ARHGEF10L: variants seen among roughly 807,000 people sequenced by gnomAD.
ARHGEF10L encodes the protein rho guanine nucleotide exchange factor 10-like protein.
Under a neutral mutation model 141.2 loss-of-function variants are expected in ARHGEF10L, and 69 were observed. The ratio of observed to expected loss-of-function variants is 0.49; its 90% CI spans 0.40 to 0.60. The LOEUF (loss-of-function observed/expected upper bound fraction) is 0.60. Ranked by LOEUF, ARHGEF10L falls within the 20% of genes least tolerant of loss-of-function variation. ARHGEF10L has a pLI of 0.00. For synonymous variants in ARHGEF10L, 711 were observed against 718.5 expected (o/e 0.99, Z 0.17); for missense variants, 1,482 against 1,734.3 (o/e 0.85, Z 2.58).
At chr1:17,677,090 A>G (rs1372478661) in intron 26 of ARHGEF10L, among the ~76,000 whole-genome samples, 2 of 152,090 alleles carry the variant, frequency 1.3e-5, no homozygotes, top group Non-Finnish European at 2.9e-5. Flanking sequence ...TAGCAGGACC[A>G]AGGAAAGGAG....
Position 17,654,689 on chromosome 1 carries a change from A to T in ARHGEF10L, c.2448A>T (p.Ala816=), listed in dbSNP as rs35255680. The T allele has an allele frequency of 3.7e-6, 6 of 1,613,908 alleles. No individual in the cohort carries two copies. Among genetic ancestry groups the T allele is most frequent in the East Asian group, 2.2e-5 (1 of 44,874 alleles). Residue 816 remains alanine (A), a synonymous_variant, in exon 23 of 29, where the codon GCA becomes GCT. Coordinates refer to ENST00000361221, the MANE Select transcript of ARHGEF10L (RefSeq NM_018125.4). This position sits in a 1 kb window ranked among gnomAD's most constrained non-coding sequence, Gnocchi z 4.3. ...ACTGTCCCCTGCTGGGTTTCTCAGC[A>T]GTCAGCACCTCCCTTCCACAGGGCT... The part of the protein sequence containing the change: ...PVNCPLLGFS[A]VSTSLPQGYL...
intron 1 of ARHGEF10L, among the ~76,000 whole-genome samples, chr1:17,565,099 C>T (rs2256640): frequency 0.053 from 8,058 of 152,280 alleles, 258 homozygotes; most frequent in Non-Finnish European, 0.064. Context: ...ACAGCAGATT[C>T]GGTGTCTGGT....
chr1:17,589,561 AGAG>A (rs1435991623), intron 4 of ARHGEF10L, among the ~76,000 whole-genome samples: 1 of 152,250 alleles, frequency 6.6e-6, no homozygotes, highest in African/African-American at 2.4e-5. Context: ...CCAGGCCCCC[AGAG>A]GAGAAGTCCT....
chr1:17,613,846 C>T (rs2059666890), intron 8 of ARHGEF10L, among the ~76,000 whole-genome samples: 1 of 152,210 alleles, frequency 6.6e-6, no homozygotes, highest in Non-Finnish European at 1.5e-5. Flanking sequence ...TGATCCTGAG[C>T]AGGCCCCTTG....
intron 1 of ARHGEF10L, among the ~76,000 whole-genome samples, chr1:17,563,638 G>GATGA (rs2077633111): frequency 6.6e-6 from 1 of 152,164 alleles, no homozygotes. Context: ...TGAATGGTTG[G>GATGA]ATGAATGAAT....
At chr1:17,548,975 C>T (rs2077015426) in intron 1 of ARHGEF10L, among the ~76,000 whole-genome samples, 1 of 151,208 alleles carries the variant, frequency 6.6e-6, no homozygotes, top group South Asian at 2.1e-4. Flanking sequence ...TGATCCTTTT[C>T]AGTTACAACA....
the ARHGEF10L span, among the ~76,000 whole-genome samples, chr1:17,521,622 GTGT>G: frequency 3.3e-5 from 5 of 152,238 alleles, no homozygotes; most frequent in South Asian, 2.1e-4. Flanking sequence ...CCCCAATGAG[GTGT>G]TGTTGTTATC....
chr1:17,592,529 G>A (rs1468069741), intron 4 of ARHGEF10L, among the ~76,000 whole-genome samples: 5 of 152,138 alleles, frequency 3.3e-5, no homozygotes, highest in Non-Finnish European at 5.9e-5. Flanking sequence ...ATCAGGGGCT[G>A]AGAGGATCAG....
chr1:17,562,441 G>T (rs969134294), intron 1 of ARHGEF10L, among the ~76,000 whole-genome samples: 2 of 152,182 alleles, frequency 1.3e-5, no homozygotes, highest in Non-Finnish European at 2.9e-5. Context: ...AAAGAGTGGG[G>T]AGTCAAGTGG....
chr1:17,632,328 C>T lies in ARHGEF10L; in HGVS notation c.1592C>T (p.Thr531Ile). The part of the protein sequence containing the change: ...SDRSSLNKLL[T>I]SGQRQLLLCE... ...TCCCTGCCCCTCCTCCAGCTGTTGA[C>T]CTCAGGCCAGCGGCAGCTGCTCCTG... Residue 531 changes from threonine to isoleucine, a missense_variant, in exon 16 of 29, where the codon ACC becomes ATC. Physicochemically the swap from Thr to Ile is moderately conservative, Grantham distance 89. This residue lies in a region of ARHGEF10L where 392 missense variants were observed against 542.1 expected (regional missense o/e 0.72). Transcript: ENST00000361221. The T allele has an allele frequency of 6.2e-7, 1 of 1,614,054 alleles. No individual in the cohort carries two copies. The highest frequency in any genetic ancestry group is 8.5e-7 in the Non-Finnish European group (1 of 1,180,034).
chr1:17,697,677 C>A lies in ARHGEF10L; in HGVS notation c.*297C>A, dbSNP rs1184657995. 4 of 565,674 alleles carry A rather than the reference C, an allele frequency of 7.1e-6. No homozygotes were observed. Among genetic ancestry groups the A allele is most frequent in the Non-Finnish European group, 1.3e-5 (4 of 298,178 alleles). The allele number at this position is 565,674 out of a possible 1,614,324, so 35.0% of individuals were successfully genotyped here. A position where few individuals can be genotyped will look rare whatever the true frequency, so the allele number is the denominator to read the frequency against. On this transcript the variant is annotated 3_prime_UTR_variant, in exon 29 of 29. Transcript: ENST00000361221. The surrounding 1 kb of genome is among the most constrained non-coding windows in gnomAD (Gnocchi z 4.8). ...AAGCCCAGTATCACTTGTTTGGGCC[C>A]TAGCGGGACTCCAAGGCAGCCACAC... is the stretch of plus-strand genomic sequence containing the variant.
Position 17,636,858 on chromosome 1 carries a change from G to A in ARHGEF10L, c.1928-1030G>A, listed in dbSNP as rs532698593. On this transcript the variant is annotated intron_variant, in intron 18 of 28. Transcript: ENST00000361221. ...ATAAGACCTCAGTGTGCAAAACCAC[G>A]GCCTAGAGAATACAGTCCAAATTCC... is the stretch of plus-strand genomic sequence containing the variant. 3.3e-5 allele frequency among the ~76,000 whole-genome samples: 5 copies of A among 152,092 alleles called. No individual in the cohort carries two copies. The East Asian group carries it at 5.8e-4, about 18-fold the overall frequency.
At chr1:17,650,013 T>G (rs1291860098) in intron 22 of ARHGEF10L, among the ~76,000 whole-genome samples, 1 of 152,194 alleles carries the variant, frequency 6.6e-6, no homozygotes, top group Non-Finnish European at 1.5e-5. Context: ...GTAAAAAGCC[T>G]TGGAAACAGA....
chr1:17,603,471 C>A lies in ARHGEF10L; in HGVS notation c.350-37C>A. On this transcript the variant is annotated intron_variant, in intron 5 of 28. Coordinates refer to ENST00000361221, the MANE Select transcript of ARHGEF10L (RefSeq NM_018125.4). The surrounding 1 kb of genome is among the most constrained non-coding windows in gnomAD (Gnocchi z 4.8). The stretch of plus-strand genomic sequence containing the variant: ...AGCACCTCTGGCCAGGCTGCCACAG[C>A]CCACGGTGGTGCTCTCTCTCCCCAC... The A allele has an allele frequency of 6.3e-7, 1 of 1,586,784 alleles. No individual in the cohort carries two copies. The highest frequency in any genetic ancestry group is 8.6e-7 in the Non-Finnish European group (1 of 1,159,596).
chr1:17,615,976 A>G lies in ARHGEF10L; in HGVS notation c.727-118A>G, dbSNP rs888674917. The G allele has an allele frequency of 1.5e-5, 12 of 776,498 alleles. No individual in the cohort carries two copies. The highest frequency in any genetic ancestry group is 2.4e-5 in the Non-Finnish European group (11 of 452,026). The allele number at this position is 776,498 out of a possible 1,614,324, so 48.1% of individuals were successfully genotyped here. A position where few individuals can be genotyped will look rare whatever the true frequency, so the allele number is the denominator to read the frequency against. ...CTTGGCCTTTGCTCACGGACCTGGG[A>G]GGGAAGGGTCTGGGTGGTTCTGATC... On this transcript the variant is annotated intron_variant, in intron 8 of 28. Coordinates refer to ENST00000361221, the MANE Select transcript of ARHGEF10L (RefSeq NM_018125.4). This position sits in a 1 kb window ranked among gnomAD's most constrained non-coding sequence, Gnocchi z 4.7.
chr1:17,594,291 A>C (rs895408280), intron 4 of ARHGEF10L, among the ~76,000 whole-genome samples: 1 of 151,970 alleles, frequency 6.6e-6, no homozygotes, highest in African/African-American at 2.4e-5. Flanking sequence ...AGAGGACATG[A>C]CATCAGCCCA....
chr1:17,670,587 G>A (rs2102266751), intron 26 of ARHGEF10L, among the ~76,000 whole-genome samples: 1 of 152,368 alleles, frequency 6.6e-6, no homozygotes, highest in South Asian at 2.1e-4. Context: ...CGGCTGCATG[G>A]AGGGCCAGTG....
In ARHGEF10L at chr1:17,558,335, G is replaced by A. The variant is rs183907788; in HGVS notation, c.-44+18385G>A. On this transcript the variant is annotated intron_variant, in intron 1 of 28. Coordinates refer to ENST00000361221, the MANE Select transcript of ARHGEF10L (RefSeq NM_018125.4). This position sits in a 1 kb window ranked among gnomAD's most constrained non-coding sequence, Gnocchi z 4.2. ...CACCCATCATCTCTTGAATCTCTTCGGCATGCTAAGGACTGCCCTGGGTAT... is the reference window on the plus strand; with the variant it reads ...CACCCATCATCTCTTGAATCTCTTCAGCATGCTAAGGACTGCCCTGGGTAT... Among the ~76,000 whole-genome samples the A allele has an allele frequency of 2.0e-5, 3 of 152,114 alleles. No homozygotes were observed. Among genetic ancestry groups the A allele is most frequent in the Admixed American group, 1.3e-4 (2 of 15,280 alleles).
chr1:17,676,613 T>A (rs1266854008), intron 26 of ARHGEF10L, among the ~76,000 whole-genome samples: 2 of 151,998 alleles, frequency 1.3e-5, no homozygotes, highest in Non-Finnish European at 2.9e-5. Context: ...ATGCTGAGGC[T>A]TGACTGCTAT....
Sources: allele counts gnomAD v4.1 joint callset (sites outside exome capture counted in the v4.1 genomes callset), GRCh38; gene constraint gnomAD v4.1.1; regional missense constraint gnomAD v4.1.1; non-coding constraint Gnocchi (gnomAD v3.1); transcripts MANE v1.5; gene names NCBI Gene and HGNC (gene_info 2026-07-23, HGNC 2026-07-21).